The following LRRTM4 variants were observed in gnomAD, a reference collection of about 807,000 sequenced individuals.
LRRTM4 encodes the protein leucine rich repeat transmembrane neuronal 4.
A neutral mutation model predicts 47.6 loss-of-function variants in LRRTM4; 25 were observed. The ratio of observed to expected loss-of-function variants is 0.53; its 90% CI spans 0.38 to 0.73. The LOEUF is 0.73. Ranked by LOEUF, LRRTM4 falls within the 30% of genes least tolerant of loss-of-function variation. LRRTM4 has a pLI of 0.00. For missense variants in LRRTM4, 638 were observed against 713.4 expected, an observed-to-expected ratio of 0.89 and a Z score of 1.20; for synonymous variants, 311 against 269.5, an observed-to-expected ratio of 1.15 and a Z score of -1.51.
chr2:77,483,692 G>A (rs1677803762), intron 3 of LRRTM4, among the ~76,000 whole-genome samples: 1 of 152,100 alleles, frequency 6.6e-6, no homozygotes, highest in Non-Finnish European at 1.5e-5. Flanking sequence ...GCTCTAGGTA[G>A]CTGAAAAACA....
chr2:77,000,225 G>C (rs1037714073), intron 3 of LRRTM4, among the ~76,000 whole-genome samples: 2 of 151,904 alleles, frequency 1.3e-5, no homozygotes, highest in African/African-American at 4.8e-5. Context: ...GGACACAGGA[G>C]AATGTTTTGC....
intron 3 of LRRTM4, among the ~76,000 whole-genome samples, chr2:76,891,665 T>C (rs144782316): frequency 1.9e-4 from 29 of 151,988 alleles, no homozygotes; most frequent in African/African-American, 6.5e-4. Context: ...GATTAGACTT[T>C]CATGTGGAAA....
At chr2:77,090,705 C>G (rs1452567524) in intron 3 of LRRTM4, among the ~76,000 whole-genome samples, 1 of 152,082 alleles carries the variant, frequency 6.6e-6, no homozygotes, top group Non-Finnish European at 1.5e-5. Flanking sequence ...CCCAGGATTC[C>G]TCCTAAGTCA....
At chr2:77,271,362 T>C (rs1676186095) in intron 3 of LRRTM4, among the ~76,000 whole-genome samples, 1 of 152,182 alleles carries the variant, frequency 6.6e-6, no homozygotes, top group Non-Finnish European at 1.5e-5. Flanking sequence ...AGGAGCACTG[T>C]AACACCCCAT....
At chr2:77,292,173 C>T (rs1225027508) in intron 3 of LRRTM4, among the ~76,000 whole-genome samples, 1 of 150,068 alleles carries the variant, frequency 6.7e-6, no homozygotes, top group African/African-American at 2.4e-5. Flanking sequence ...GTTAGAATGG[C>T]AATCATTAAA....
chr2:76,867,272 G>A (rs1672494939), intron 3 of LRRTM4, among the ~76,000 whole-genome samples: 1 of 152,056 alleles, frequency 6.6e-6, no homozygotes, highest in South Asian at 2.1e-4. Context: ...TTTAAAAGAA[G>A]CATTAGGATG....
At chr2:77,492,751 G>A (rs1678216232) in intron 3 of LRRTM4, among the ~76,000 whole-genome samples, 1 of 152,200 alleles carries the variant, frequency 6.6e-6, no homozygotes, top group Non-Finnish European at 1.5e-5. Context: ...TCAATGCACA[G>A]CTCTCAGTTT....
At chr2:76,922,354 C>G (rs927864663) in intron 3 of LRRTM4, among the ~76,000 whole-genome samples, 1 of 152,030 alleles carries the variant, frequency 6.6e-6, no homozygotes, top group Admixed American at 6.6e-5. Flanking sequence ...ACATCTTACC[C>G]TGGCAGAGCA....
chr2:76,992,134 C>T (rs1677030118), intron 3 of LRRTM4, among the ~76,000 whole-genome samples: 1 of 151,660 alleles, frequency 6.6e-6, no homozygotes, highest in Non-Finnish European at 1.5e-5. Context: ...AGAAACATGA[C>T]TCAAAATAAT....
intron 3 of LRRTM4, among the ~76,000 whole-genome samples, chr2:76,861,081 A>G (rs756481106): frequency 5.9e-5 from 9 of 152,014 alleles, no homozygotes; most frequent in Admixed American, 1.3e-4. Context: ...CTTACTTACT[A>G]TTTACTGGTA....
At chr2:76,925,187 T>A (rs957236314) in intron 3 of LRRTM4, among the ~76,000 whole-genome samples, 3 of 152,148 alleles carry the variant, frequency 2.0e-5, no homozygotes, top group Admixed American at 6.5e-5. Flanking sequence ...GGTGAGCCCT[T>A]TAAAAGAGGG....
intron 3 of LRRTM4, among the ~76,000 whole-genome samples, chr2:76,887,761 G>A (rs1306754175): frequency 2.7e-5 from 4 of 150,292 alleles, no homozygotes; most frequent in Non-Finnish European, 5.9e-5. Flanking sequence ...CCAAATTGCT[G>A]AGAAAAACAT....
At chr2:76,937,106 T>C (rs1553433606) in intron 3 of LRRTM4, among the ~76,000 whole-genome samples, 1 of 151,102 alleles carries the variant, frequency 6.6e-6, no homozygotes, top group Non-Finnish European at 1.5e-5. Context: ...TATACAGAGA[T>C]AGAAAAAACT....
At chr2:77,028,924 A>G (rs1678547482) in intron 3 of LRRTM4, among the ~76,000 whole-genome samples, 1 of 150,786 alleles carries the variant, frequency 6.6e-6, no homozygotes, top group African/African-American at 2.4e-5. Flanking sequence ...AGTCCCAGCT[A>G]CTCGGGAGGC....
chr2:77,072,141 A>C (rs1422958282), intron 3 of LRRTM4, among the ~76,000 whole-genome samples: 1 of 152,162 alleles, frequency 6.6e-6, no homozygotes, highest in African/African-American at 2.4e-5. Flanking sequence ...AATGTTATTA[A>C]ATTTTCAAAT....
intron 3 of LRRTM4, among the ~76,000 whole-genome samples, chr2:76,929,378 C>T (rs935961103): frequency 2.0e-5 from 3 of 152,122 alleles, no homozygotes; most frequent in East Asian, 1.9e-4. Flanking sequence ...TTTCATGCTA[C>T]GATGGCAAAA....
chr2:77,239,173 G>T (rs1031796607), intron 3 of LRRTM4, among the ~76,000 whole-genome samples: 7 of 151,746 alleles, frequency 4.6e-5, no homozygotes, highest in African/African-American at 1.2e-4. Flanking sequence ...AGCAAGATAT[G>T]GTAGGTTTAT....
intron 3 of LRRTM4, among the ~76,000 whole-genome samples, chr2:77,178,859 T>C (rs1673272176): frequency 6.6e-6 from 1 of 152,190 alleles, no homozygotes; most frequent in South Asian, 2.1e-4. Context: ...TAAAACGTGA[T>C]TCATATTGTC....
At chr2:77,248,259 T>C (rs998977817) in intron 3 of LRRTM4, among the ~76,000 whole-genome samples, 1 of 151,842 alleles carries the variant, frequency 6.6e-6, no homozygotes, top group African/African-American at 2.4e-5. Context: ...TTTTAATATG[T>C]GTGTATGTAT....
Sources: gnomAD v4.1 joint callset for allele counts (sites outside exome capture counted in the v4.1 genomes callset) on GRCh38, gnomAD v4.1.1 for gene constraint, MANE v1.5 for transcripts, NCBI Gene and HGNC (gene_info 2026-07-23, HGNC 2026-07-21) for gene names.